CREB3L3: variants seen among roughly 807,000 people sequenced by gnomAD.
The protein encoded by CREB3L3 is cAMP responsive element binding protein 3 like 3, also known as cyclic AMP-responsive element-binding protein 3-like protein 3.
A neutral mutation model predicts 44.6 loss-of-function variants in CREB3L3; 40 were observed. The observed-to-expected ratio is 0.90, with a 90% CI of 0.70 to 1.17. The LOEUF is 1.17. CREB3L3 is among the 50% of genes most tolerant of loss of function. The probability of loss-of-function intolerance (pLI) is 0.00; values close to 1 mark genes in which losing one functional copy is unlikely to be tolerated. For synonymous variants in CREB3L3, 273 were observed against 256.3 expected, an observed-to-expected ratio of 1.06 and a Z score of -0.62; for missense variants, 578 against 595.8, an observed-to-expected ratio of 0.97 and a Z score of 0.31.
chr19:4,167,117 C>T (rs1270707633), intron 5 of CREB3L3, among the ~76,000 whole-genome samples: 11 of 152,072 alleles, frequency 7.2e-5, no homozygotes, highest in South Asian at 4.2e-4. Context: ...CAAAGATGGG[C>T]GGATCACCTG....
intron 4 of CREB3L3, among the ~76,000 whole-genome samples, chr19:4,161,864 G>A (rs928804419): frequency 6.6e-5 from 10 of 152,166 alleles, no homozygotes; most frequent in African/African-American, 1.2e-4. Flanking sequence ...TCATTAAGGT[G>A]TACAGAAAAG....
At chr19:4,162,450 A>G (rs935978957) in intron 4 of CREB3L3, among the ~76,000 whole-genome samples, 1 of 150,876 alleles carries the variant, frequency 6.6e-6, no homozygotes, top group Non-Finnish European at 1.5e-5. Flanking sequence ...AAAATGATGC[A>G]TTTATAAATG....
chr19:4,156,792 G>GC (rs2041585810), intron 2 of CREB3L3, among the ~76,000 whole-genome samples: 1 of 152,022 alleles, frequency 6.6e-6, no homozygotes. Context: ...AGGAGCCACT[G>GC]CACCTGGCAC....
chr19:4,160,974 T>G (rs350865), intron 4 of CREB3L3, among the ~76,000 whole-genome samples: 1 of 45,732 alleles, frequency 2.2e-5, no homozygotes, highest in African/African-American at 8.1e-5. Context: ...TGCAGTGGCG[T>G]GATCTCGGCT....
chr19:4,154,318 C>T (rs1020665723), intron 1 of CREB3L3, among the ~76,000 whole-genome samples: 1 of 152,026 alleles, frequency 6.6e-6, no homozygotes, highest in Non-Finnish European at 1.5e-5. Context: ...GTGAGCTGCC[C>T]GCCTCGGCTT....
At chr19:4,169,692 A>G (rs1166737489) in intron 6 of CREB3L3, among the ~76,000 whole-genome samples, 1 of 149,904 alleles carries the variant, frequency 6.7e-6, no homozygotes, top group African/African-American at 2.5e-5. Context: ...CCCGGGTTCA[A>G]TCGATTCTCC....
At chr19:4,163,606 G>A (rs1053480149) in intron 4 of CREB3L3, among the ~76,000 whole-genome samples, 1 of 151,974 alleles carries the variant, frequency 6.6e-6, no homozygotes, top group Non-Finnish European at 1.5e-5. Context: ...CCTGCCTCCC[G>A]GGTTCAAGCG....
chr19:4,154,580 C>T (rs75914569), intron 1 of CREB3L3, among the ~76,000 whole-genome samples: 3,159 of 152,022 alleles, frequency 0.021, 107 homozygotes, highest in African/African-American at 0.072. Flanking sequence ...CTCTATGTTG[C>T]GCAGGCTGGT....
At chr19:4,164,812 G>A (rs1258266217) in intron 5 of CREB3L3, among the ~76,000 whole-genome samples, 172 bp downstream of exon 5, 2 of 152,078 alleles carry the variant, frequency 1.3e-5, no homozygotes, top group East Asian at 1.9e-4. Context: ...AGATTCCAGC[G>A]ATTCTCCCGC....
rs1395249177 is a variant in CREB3L3 at position 4,156,277 on chromosome 19, TC to T, written c.157-715del. Among the ~76,000 whole-genome samples, 3 of 150,396 alleles carry T rather than the reference TC, an allele frequency of 2.0e-5. No homozygotes were observed. The East Asian group carries it at 6.0e-4, about 30-fold the overall frequency. Reference sequence around the variant, plus strand: ...ATCTTGGCATACCGCAACCCCCACCTCCCAGGTTCAAGTGATTCTCCTGCCT... The same window carrying T: ...ATCTTGGCATACCGCAACCCCCACCTCCAGGTTCAAGTGATTCTCCTGCCT... On this transcript the variant is annotated intron_variant, in intron 2 of 9. Transcript: ENST00000078445.
rs1967089106 is a variant in CREB3L3 at position 4,172,860 on chromosome 19, C to G, written c.*891C>G. 6.5e-6 allele frequency: 1 copy of G among 154,594 alleles called. No individual in the cohort carries two copies. The allele number at this position is 154,594 out of a possible 1,614,324, so 9.6% of individuals were successfully genotyped here. ...GAACAGACAGACAGACGCACACACA[C>G]AACAGATGCGCAGCAACTCCCCGCC... On this transcript the variant is annotated 3_prime_UTR_variant, in exon 10 of 10. Transcript: ENST00000078445.
chr19:4,167,998 T>TTTA (rs1240106473), intron 5 of CREB3L3, among the ~76,000 whole-genome samples: 1 of 150,676 alleles, frequency 6.6e-6, no homozygotes, highest in Admixed American at 6.6e-5. Context: ...TATTTATTTA[T>TTTA]TTATCTATTT....
At chr19:4,160,819 C>T (rs61096496) in intron 4 of CREB3L3, among the ~76,000 whole-genome samples, 2,829 of 151,240 alleles carry the variant, frequency 0.019, 78 homozygotes, top group African/African-American at 0.064. Context: ...CTGCAAGCTC[C>T]GCCTACCGGG....
rs967460710 is a variant in CREB3L3 at position 4,171,874 on chromosome 19, G to A, written c.1291G>A (p.Gly431Arg). 6 of 1,613,358 alleles carry A rather than the reference G, an allele frequency of 3.7e-6. No homozygotes were observed. Among genetic ancestry groups the A allele is most frequent in the Non-Finnish European group, 5.1e-6 (6 of 1,179,936 alleles). Residue 431 changes from glycine to arginine, a missense_variant, in exon 10 of 10, where the codon GGG becomes AGG. By Grantham distance (125) the Gly-to-Arg change is moderately radical. Coordinates refer to ENST00000078445, the MANE Select transcript of CREB3L3 (RefSeq NM_032607.3). The surrounding 1 kb of genome is among the most constrained non-coding windows in gnomAD (Gnocchi z 4.9). ...ATLVLRNATE[G>R]LGQVALLDWV... Reference sequence around the variant, plus strand: ...CCTGGTCCTGAGGAATGCAACAGAGGGGCTGGGCCAGGTCGCCCTGCTGGA... The same window carrying A: ...CCTGGTCCTGAGGAATGCAACAGAGAGGCTGGGCCAGGTCGCCCTGCTGGA...
At chr19:4,168,521 T>A in intron 6 of CREB3L3, 64 bp downstream of exon 6, 1 of 1,291,400 alleles carries the variant, frequency 7.7e-7, no homozygotes, top group Non-Finnish European at 1.1e-6. Context: ...GAGAAGGAGA[T>A]GTGGCTAAGG....
chr19:4,155,604 C>T (rs577149224), intron 2 of CREB3L3, among the ~76,000 whole-genome samples: 2 of 151,934 alleles, frequency 1.3e-5, no homozygotes, highest in African/African-American at 2.4e-5. Flanking sequence ...GATCCACCCA[C>T]CTCAGCCTCC....
chr19:4,169,104 C>T (rs573615935), intron 6 of CREB3L3, among the ~76,000 whole-genome samples: 142 of 152,236 alleles, frequency 9.3e-4, no homozygotes, highest in Middle Eastern at 3.4e-3. Context: ...CCCCCACCAC[C>T]CTATGTCCTG....
At chr19:4,162,845 G>A (rs2041677406) in intron 4 of CREB3L3, among the ~76,000 whole-genome samples, 1 of 152,122 alleles carries the variant, frequency 6.6e-6, no homozygotes, top group South Asian at 2.1e-4. Context: ...AAGCATGGCG[G>A]TACGCTCTGT....
At chr19:4,164,663 C>T in intron 5 of CREB3L3, 23 bp downstream of exon 5, 1 of 1,613,636 alleles carries the variant, frequency 6.2e-7, no homozygotes, top group Non-Finnish European at 8.5e-7. Context: ...GGACTTCCAG[C>T]CCTGGATCCA....
Sources: gnomAD v4.1 joint callset for allele counts (sites outside exome capture counted in the v4.1 genomes callset) on GRCh38, gnomAD v4.1.1 for gene constraint, Gnocchi (gnomAD v3.1) non-coding constraint, MANE v1.5 for transcripts, NCBI Gene and HGNC (gene_info 2026-07-23, HGNC 2026-07-21) for gene names.